Variants in C8orf34 observed in about 807,000 individuals in gnomAD.
The protein encoded by C8orf34 is chromosome 8 open reading frame 34.
A neutral mutation model predicts 68.3 loss-of-function variants in C8orf34; 65 were observed. The observed-to-expected ratio is 0.95, with a 90% confidence interval of 0.78 to 1.17. The LOEUF (loss-of-function observed/expected upper bound fraction) is 1.17. C8orf34 is among the 50% of genes most tolerant of loss of function. The pLI, the probability that C8orf34 is intolerant of heterozygous loss-of-function variation, is 0.00. For missense variants in C8orf34, 664 were observed against 655.4 expected, an observed-to-expected ratio of 1.01 and a Z score of -0.14; for synonymous variants, 244 against 241.2, an observed-to-expected ratio of 1.01 and a Z score of -0.11.
chr8:68,767,424 A>G lies in C8orf34; in HGVS notation c.1405-8975A>G, dbSNP rs967724358. Reference sequence around the variant, plus strand: ...ACATCCTTTAAGTTTTTCAGTCTATAGGTGCCTCCTCCATCCCTTGCATTT... The same window carrying G: ...ACATCCTTTAAGTTTTTCAGTCTATGGGTGCCTCCTCCATCCCTTGCATTT... On this transcript the variant is annotated intron_variant, in intron 10 of 13. Transcript: ENST00000518698. Among the ~76,000 whole-genome samples, 5 of 152,240 alleles carry G rather than the reference A, an allele frequency of 3.3e-5. No homozygotes were observed. The South Asian group carries it at 6.2e-4, about 19-fold the overall frequency.
intron 3 of C8orf34, among the ~76,000 whole-genome samples, chr8:68,458,520 CAT>C (rs1471267770): frequency 6.6e-6 from 1 of 152,124 alleles, no homozygotes; most frequent in Non-Finnish European, 1.5e-5. Context: ...ACCTTGATAA[CAT>C]ATAGTGATTA....
At chr8:68,811,405 C>T (rs577127071) in intron 12 of C8orf34, among the ~76,000 whole-genome samples, 1 of 152,366 alleles carries the variant, frequency 6.6e-6, no homozygotes, top group South Asian at 2.1e-4. Context: ...AAAGCCGTGA[C>T]TGAACAGCTG....
chr8:68,354,606 T>G (rs1806666785), intron 1 of C8orf34, among the ~76,000 whole-genome samples: 1 of 152,112 alleles, frequency 6.6e-6, no homozygotes, highest in Non-Finnish European at 1.5e-5. Context: ...CAGAGTTTAG[T>G]GGATGGATAT....
intron 6 of C8orf34, among the ~76,000 whole-genome samples, chr8:68,530,156 C>T (rs1403963645): frequency 6.6e-6 from 1 of 151,882 alleles, no homozygotes; most frequent in Non-Finnish European, 1.5e-5. Flanking sequence ...ATTAAACAGA[C>T]CTAAGTAGAG....
chr8:68,485,366 T>C (rs1012470085), intron 4 of C8orf34, among the ~76,000 whole-genome samples: 1 of 152,058 alleles, frequency 6.6e-6, no homozygotes, highest in Non-Finnish European at 1.5e-5. Context: ...AAAAGTTAAA[T>C]GAGAAAACTC....
At chr8:68,610,114 T>A (rs182548056) in intron 7 of C8orf34, among the ~76,000 whole-genome samples, 1 of 152,338 alleles carries the variant, frequency 6.6e-6, no homozygotes, top group African/African-American at 2.4e-5. Context: ...AGTATACTTA[T>A]GTAATTTTGA....
At chr8:68,697,075 T>C (rs1395147101) in intron 8 of C8orf34, among the ~76,000 whole-genome samples, 1 of 152,076 alleles carries the variant, frequency 6.6e-6, no homozygotes, top group Non-Finnish European at 1.5e-5. Flanking sequence ...ATACCTCTTT[T>C]AGTGACTATA....
intron 1 of C8orf34, among the ~76,000 whole-genome samples, chr8:68,332,886 T>G (rs181132570): frequency 1.3e-5 from 2 of 152,324 alleles, no homozygotes; most frequent in East Asian, 3.9e-4. Flanking sequence ...TTTCTTTGCC[T>G]TTAGTTTAAT....
intron 4 of C8orf34, among the ~76,000 whole-genome samples, chr8:68,470,657 T>G (rs1271121562): frequency 6.6e-6 from 1 of 151,994 alleles, no homozygotes; most frequent in Non-Finnish European, 1.5e-5. Flanking sequence ...TTCTGGAGGG[T>G]GGATGGTCTA....
chr8:68,368,701 T>C (rs758883969), intron 1 of C8orf34, among the ~76,000 whole-genome samples: 3 of 152,196 alleles, frequency 2.0e-5, no homozygotes, highest in Admixed American at 6.5e-5. Flanking sequence ...GGTTTTTCTC[T>C]ATGTATTGAG....
chr8:68,665,256 A>T (rs997273496), intron 8 of C8orf34, among the ~76,000 whole-genome samples: 1 of 152,230 alleles, frequency 6.6e-6, no homozygotes, highest in Admixed American at 6.5e-5. Flanking sequence ...GCAACTTTAA[A>T]TTGTGTATAC....
chr8:68,431,240 T>C (rs1217069182), intron 1 of C8orf34, among the ~76,000 whole-genome samples: 1 of 152,204 alleles, frequency 6.6e-6, no homozygotes, highest in Admixed American at 6.6e-5. Flanking sequence ...ATCACCAGTT[T>C]CTCATTATTC....
In C8orf34 at chr8:68,487,718, A is replaced by G. The variant is rs542330417; in HGVS notation, c.737-305A>G. On this transcript the variant is annotated intron_variant, in intron 4 of 13. Transcript: ENST00000518698. ...TTATTGTCATCATAACATAAAAATG[A>G]TATCTCTACAATTACATTCGCAAGT... Among the ~76,000 whole-genome samples the G allele has an allele frequency of 5.0e-4, 76 of 152,348 alleles. 1 individual carries two copies. Among genetic ancestry groups the G allele is most frequent in the African/African-American group, 1.7e-3 (70 of 41,582 alleles).
chr8:68,578,269 A>G (rs1816965450), intron 7 of C8orf34, among the ~76,000 whole-genome samples: 1 of 152,054 alleles, frequency 6.6e-6, no homozygotes, highest in South Asian at 2.1e-4. Flanking sequence ...ATGCCAAGAT[A>G]CACTCTAAAC....
chr8:68,780,451 A>G (rs1397341468), intron 11 of C8orf34, among the ~76,000 whole-genome samples: 1 of 151,796 alleles, frequency 6.6e-6, no homozygotes, highest in East Asian at 1.9e-4. Context: ...ATGTACATTT[A>G]TTTAAATATT....
intron 4 of C8orf34, among the ~76,000 whole-genome samples, chr8:68,476,110 G>A (rs180881329): frequency 6.6e-5 from 10 of 152,338 alleles, no homozygotes; most frequent in African/African-American, 2.4e-4. Flanking sequence ...ATGCATGAGA[G>A]AAAATAGAGA....
At chr8:68,757,533 A>G (rs1822900080) in intron 10 of C8orf34, among the ~76,000 whole-genome samples, 1 of 152,096 alleles carries the variant, frequency 6.6e-6, no homozygotes, top group African/African-American at 2.4e-5. Flanking sequence ...AGGCAGGTGA[A>G]TCACTTGAAC....
chr8:68,353,283 G>C (rs1181677007), intron 1 of C8orf34, among the ~76,000 whole-genome samples: 1 of 151,900 alleles, frequency 6.6e-6, no homozygotes, highest in African/African-American at 2.4e-5. Flanking sequence ...TCCCCCACAA[G>C]GGATGCCCAC....
At chr8:68,372,430 C>T (rs1028566474) in intron 1 of C8orf34, among the ~76,000 whole-genome samples, 1 of 152,204 alleles carries the variant, frequency 6.6e-6, no homozygotes, top group African/African-American at 2.4e-5. Flanking sequence ...CTAGATGTTG[C>T]TGGTCCCTCT....
Sources: allele counts gnomAD v4.1 joint callset (sites outside exome capture counted in the v4.1 genomes callset), GRCh38; gene constraint gnomAD v4.1.1; transcripts MANE v1.5; gene names NCBI Gene and HGNC (gene_info 2026-07-23, HGNC 2026-07-21).